The following ZPBP variants were observed in gnomAD, a reference collection of about 807,000 sequenced individuals.
The protein encoded by ZPBP is zona pellucida binding protein, also known as zona pellucida-binding protein 1.
A neutral mutation model predicts 44.8 loss-of-function variants in ZPBP; 26 were observed. The ratio of observed to expected loss-of-function variants is 0.58; its 90% confidence interval spans 0.43 to 0.81. The LOEUF is 0.81. ZPBP is among the 30% of genes least tolerant of loss of function. ZPBP has a pLI of 0.00. For synonymous variants in ZPBP, 174 were observed against 153.2 expected (o/e 1.14, Z -1.00); for missense variants, 409 against 434.0 (o/e 0.94, Z 0.51).
chr7:50,076,536 T>C (rs772775888), intron 3 of ZPBP, among the ~76,000 whole-genome samples: 6 of 151,796 alleles, frequency 4.0e-5, no homozygotes, highest in African/African-American at 4.8e-5. Flanking sequence ...AAGAAAAAAC[T>C]ATTATAACCA....
intron 4 of ZPBP, among the ~76,000 whole-genome samples, chr7:50,054,859 C>T (rs1800856783): frequency 6.6e-6 from 1 of 152,056 alleles, no homozygotes; most frequent in South Asian, 2.1e-4. Flanking sequence ...GACACACAAA[C>T]ATACACACAC....
Position 50,005,821 on chromosome 7 carries a change from A to ATG in ZPBP, c.783+12418_783+12419insCA, listed in dbSNP as rs1384784137. Among the ~76,000 whole-genome samples the ATG allele has an allele frequency of 5.7e-5, 6 of 105,984 alleles. 1 individual carries two copies. Among genetic ancestry groups the ATG allele is most frequent in the Admixed American group, 1.1e-4 (1 of 8,948 alleles). 69.5% of individuals were successfully genotyped at this position (105,984 alleles called of 152,430 possible). ...TAAATGAGTTAAACTTCATAACTAT[A>ATG]TATGTGTGTGTGTGTGTGTGTGTGT... On this transcript the variant is annotated intron_variant, in intron 6 of 7. Transcript: ENST00000046087.
At chr7:50,066,906 T>G (rs1267454576) in intron 3 of ZPBP, among the ~76,000 whole-genome samples, 1 of 152,154 alleles carries the variant, frequency 6.6e-6, no homozygotes, top group African/African-American at 2.4e-5. Flanking sequence ...TGTTGGCTAA[T>G]CCACTGGTCG....
chr7:49,868,168 G>C (rs1284909125), intron 2 of ZPBP, among the ~76,000 whole-genome samples: 1 of 152,102 alleles, frequency 6.6e-6, no homozygotes, highest in Non-Finnish European at 1.5e-5. Context: ...GAAAACCCAA[G>C]TGAATGATTC....
At chr7:49,851,225 T>A (rs918790097) in intron 2 of ZPBP, among the ~76,000 whole-genome samples, 2 of 152,214 alleles carry the variant, frequency 1.3e-5, no homozygotes, top group African/African-American at 4.8e-5. Context: ...CCTTTTCTTA[T>A]AATGACACTT....
At position 49,881,129 on chromosome 7, in the gene ZPBP, G is replaced by A. The variant is rs183976362; in HGVS notation, n.509+19989C>T. On this transcript the variant is annotated intron_variant and non_coding_transcript_variant, in intron 2 of 2. Coordinates refer to the ZPBP transcript ENST00000465922. The stretch of plus-strand genomic sequence containing the variant: ...TCTCAGCCTGAGAGGCCAGGTTTGC[G>A]TTTGACTTGTATTCAGTTGTCCTGA... Among the ~76,000 whole-genome samples the A allele has an allele frequency of 1.1e-4, 17 of 152,180 alleles. No homozygotes were observed. In the East Asian group the frequency reaches 2.7e-3, roughly 24 times the overall value.
chr7:49,951,577 T>TA (rs1337159331), intron 7 of ZPBP, among the ~76,000 whole-genome samples: 1 of 151,132 alleles, frequency 6.6e-6, no homozygotes, highest in African/African-American at 2.4e-5. Context: ...ATAGCAAGTG[T>TA]TGGCCAGGAT....
the ZPBP span, among the ~76,000 whole-genome samples, chr7:49,841,997 G>C: frequency 6.6e-6 from 1 of 152,192 alleles, no homozygotes; most frequent in African/African-American, 2.4e-5. Context: ...CTCCTGAGTA[G>C]CTGGGATTAC....
At position 49,956,894 on chromosome 7, in the gene ZPBP, C is replaced by T. The variant is rs142293004; in HGVS notation, c.962-19272G>A. Among the ~76,000 whole-genome samples, 476 of 152,312 alleles carry T rather than the reference C, an allele frequency of 3.1e-3. 2 individuals are homozygous for T. The highest frequency in any genetic ancestry group is 0.01 in the African/African-American group (432 of 41,568). ...ATCACACCACCAATTTTAAGACTTA[C>T]TAACCATAGTAATGAAGACAGTGTT... On this transcript the variant is annotated intron_variant, in intron 7 of 7. Transcript: ENST00000046087.
At chr7:49,904,642 T>G (rs185520471) in intron 1 of ZPBP, among the ~76,000 whole-genome samples, 1 of 152,284 alleles carries the variant, frequency 6.6e-6, no homozygotes, top group Non-Finnish European at 1.5e-5. Flanking sequence ...TACATGGTTT[T>G]TATTCAAAAA....
intron 3 of ZPBP, among the ~76,000 whole-genome samples, chr7:50,075,277 TAA>T (rs1802026295): frequency 1.3e-5 from 2 of 151,730 alleles, no homozygotes; most frequent in African/African-American, 4.8e-5. Context: ...AAATCAGTAC[TAA>T]GAGAGAAATT....
At chr7:49,908,828 A>C (rs1016914400) in intron 1 of ZPBP, among the ~76,000 whole-genome samples, 2 of 152,224 alleles carry the variant, frequency 1.3e-5, no homozygotes, top group African/African-American at 4.8e-5. Context: ...CCATTAGCCA[A>C]ATTTTGGATA....
chr7:50,085,180 G>A (rs1435664726), intron 2 of ZPBP, among the ~76,000 whole-genome samples: 2 of 152,068 alleles, frequency 1.3e-5, no homozygotes, highest in African/African-American at 2.4e-5. Context: ...GAGGGAAGAG[G>A]ATACAGAGTG....
intron 4 of ZPBP, among the ~76,000 whole-genome samples, chr7:50,036,100 T>C (rs1799814222): frequency 6.6e-6 from 1 of 152,224 alleles, no homozygotes; most frequent in Admixed American, 6.5e-5. Flanking sequence ...GATTCTGGTA[T>C]ATGAAAGACA....
intron 1 of ZPBP, chr7:49,919,653 G>A (rs1018892547): frequency 6.6e-6 from 1 of 152,058 alleles, no homozygotes; most frequent in African/African-American, 2.4e-5. Flanking sequence ...TAGTTTCAAG[G>A]TGTATGCTAT....
intron 7 of ZPBP, among the ~76,000 whole-genome samples, chr7:49,950,382 C>T (rs1479731604): frequency 6.6e-6 from 1 of 151,812 alleles, no homozygotes; most frequent in East Asian, 1.9e-4. Flanking sequence ...TTAATATATA[C>T]ATATGCAAAG....
intron 4 of ZPBP, among the ~76,000 whole-genome samples, chr7:50,055,976 A>C (rs527498157): frequency 1.3e-5 from 2 of 152,240 alleles, no homozygotes; most frequent in Non-Finnish European, 2.9e-5. Context: ...TTTGCCTAAC[A>C]AAGTTAATTA....
intron 2 of ZPBP, among the ~76,000 whole-genome samples, chr7:49,894,313 G>T (rs1045269595): frequency 6.6e-6 from 1 of 152,238 alleles, no homozygotes; most frequent in South Asian, 2.1e-4. Context: ...GCACCGCCAT[G>T]CCCGGCTAAT....
intron 6 of ZPBP, among the ~76,000 whole-genome samples, chr7:49,991,231 A>T (rs1583996412): frequency 6.6e-6 from 1 of 152,258 alleles, no homozygotes; most frequent in East Asian, 1.9e-4. Flanking sequence ...TGCAAATAAG[A>T]GATGGGGTGT....
Sources: gnomAD v4.1 joint callset for allele counts (sites outside exome capture counted in the v4.1 genomes callset) on GRCh38, gnomAD v4.1.1 for gene constraint, MANE v1.5 for transcripts, NCBI Gene and HGNC (gene_info 2026-07-23, HGNC 2026-07-21) for gene names.